KIF13A: variants seen among roughly 807,000 people sequenced by gnomAD.
The protein encoded by KIF13A is kinesin-like protein KIF13A.
In KIF13A, 79 loss-of-function variants were observed where a neutral mutation model predicts 212.2. The ratio of observed to expected loss-of-function variants is 0.37; its 90% CI spans 0.31 to 0.45. The LOEUF (loss-of-function observed/expected upper bound fraction) is 0.45, where lower values mean the gene tolerates loss of function less well. Among genes scored for constraint, KIF13A ranks in the 20% least tolerant of loss-of-function variants. KIF13A has a pLI of 1.00. For missense variants in KIF13A, 1,901 were observed against 2,209.0 expected, an observed-to-expected ratio of 0.86 and a Z score of 2.79; for synonymous variants, 789 against 808.6, an observed-to-expected ratio of 0.98 and a Z score of 0.41.
intron 2 of KIF13A, among the ~76,000 whole-genome samples, chr6:17,973,885 A>G (rs139603635): frequency 1.1e-3 from 171 of 152,280 alleles, no homozygotes; most frequent in African/African-American, 4.0e-3. Context: ...GGAGCCCACA[A>G]CTCTCAAACC....
rs1053270624 is a variant in KIF13A at position 17,984,803 on chromosome 6, AAAT to A, written c.146+2248_146+2250del. On this transcript the variant is annotated intron_variant, in intron 2 of 38. Transcript: ENST00000259711. The surrounding 1 kb of genome is among the most constrained non-coding windows in gnomAD (Gnocchi z 5.0). Reference sequence around the variant, plus strand: ...CAAACCTTGGACTTGCAGATATGAAAAATAATAACATTCTCAGTATTCTACTCT... The same window carrying A: ...CAAACCTTGGACTTGCAGATATGAAAAATAACATTCTCAGTATTCTACTCT... 3.3e-5 allele frequency among the ~76,000 whole-genome samples: 5 copies of A among 152,208 alleles called. No homozygotes were observed. The highest frequency in any genetic ancestry group is 2.9e-5 in the Non-Finnish European group (2 of 68,038).
rs902524477 is a variant in KIF13A at position 17,825,787 on chromosome 6, C to T, written c.1767G>A (p.Met589Ile). The T allele has an allele frequency of 6.2e-7, 1 of 1,613,760 alleles. No individual in the cohort carries two copies. Residue 589 changes from methionine to isoleucine, a missense_variant, in exon 16 of 39, where the codon ATG becomes ATA. By Grantham distance (10) the Met-to-Ile change is conservative (BLOSUM62 1). Coordinates refer to ENST00000259711, the MANE Select transcript of KIF13A (RefSeq NM_022113.6). The surrounding 1 kb of genome is among the most constrained non-coding windows in gnomAD (Gnocchi z 4.5). ...NYEFAQMEVIMKTLNSNDPVQ... is the reference protein window; with the variant it reads ...NYEFAQMEVIIKTLNSNDPVQ... ...TCTTACCATTACTATTCAGGGTTTT[C>T]ATGATAACTTCCATCTGTGCAAATT...
chr6:17,883,570 C>T lies in KIF13A; in HGVS notation c.160-10133G>A, dbSNP rs751511562. Among the ~76,000 whole-genome samples, 30 of 152,218 alleles carry T rather than the reference C, an allele frequency of 2.0e-4. No homozygotes were observed. The highest frequency in any genetic ancestry group is 3.4e-4 in the Non-Finnish European group (23 of 68,034). ...AACTGCCACAGTAACAGACTGGTGT[C>T]ACCCTACAGGCATTATTTTTGTGTT... is the stretch of plus-strand genomic sequence containing the variant. On this transcript the variant is annotated intron_variant, in intron 3 of 38. Coordinates refer to ENST00000259711, the MANE Select transcript of KIF13A (RefSeq NM_022113.6). The surrounding 1 kb of genome is among the most constrained non-coding windows in gnomAD (Gnocchi z 4.8).
chr6:17,774,733 A>C (rs1453508627), intron 35 of KIF13A, among the ~76,000 whole-genome samples: 1 of 151,672 alleles, frequency 6.6e-6, no homozygotes, highest in Non-Finnish European at 1.5e-5. Flanking sequence ...AAATCATGCC[A>C]CTGCACTCCA....
chr6:17,980,660 A>G (rs1780984881), intron 2 of KIF13A, among the ~76,000 whole-genome samples: 1 of 152,218 alleles, frequency 6.6e-6, no homozygotes, highest in Admixed American at 6.6e-5. Context: ...CAGAAAAAAA[A>G]GCAAAATAAA....
intron 2 of KIF13A, among the ~76,000 whole-genome samples, chr6:17,958,775 C>T: frequency 6.6e-6 from 1 of 151,874 alleles, no homozygotes. Context: ...TGTATTCATC[C>T]GAATGCAAAA....
intron 2 of KIF13A, among the ~76,000 whole-genome samples, chr6:17,975,316 A>C (rs1005000548): frequency 6.6e-6 from 1 of 151,468 alleles, no homozygotes; most frequent in African/African-American, 2.4e-5. Flanking sequence ...CTGTGTTCCG[A>C]ATTAGTAGGT....
intron 3 of KIF13A, among the ~76,000 whole-genome samples, chr6:17,880,986 G>A (rs9367972): frequency 0.57 from 86,856 of 151,980 alleles, 24,932 homozygotes; most frequent in Middle Eastern, 0.63. Flanking sequence ...ATCAATAAGA[G>A]CCAACATTGT....
intron 3 of KIF13A, among the ~76,000 whole-genome samples, chr6:17,889,726 A>G (rs1771869832): frequency 6.6e-6 from 1 of 152,212 alleles, no homozygotes; most frequent in Non-Finnish European, 1.5e-5. Flanking sequence ...AGATGCTGAG[A>G]TCATCCTGGA....
intron 16 of KIF13A, among the ~76,000 whole-genome samples, chr6:17,822,715 T>A (rs1372994345): frequency 6.6e-6 from 1 of 152,164 alleles, no homozygotes; most frequent in Non-Finnish European, 1.5e-5. Context: ...GGAGTCTACA[T>A]CCTCCTGAAC....
rs1345676497 is a variant in KIF13A, at chr6:17,843,045, T to A, written c.831-5462A>T. On this transcript the variant is annotated intron_variant, in intron 9 of 38. Transcript: ENST00000259711. The surrounding 1 kb of genome is among the most constrained non-coding windows in gnomAD (Gnocchi z 5.3). ...TCTAAGATCATATATATAATACTTA[T>A]TAAACTTTATTGGAGTTATTTGTGT... Among the ~76,000 whole-genome samples the A allele has an allele frequency of 6.6e-6, 1 of 152,220 alleles. No individual in the cohort carries two copies. The highest frequency in any genetic ancestry group is 2.4e-5 in the African/African-American group (1 of 41,466).
At chr6:17,779,257 A>AT (rs3076205) in intron 32 of KIF13A, among the ~76,000 whole-genome samples, 158 bp from the exon 33 acceptor site, 25 of 37,850 alleles carry the variant, frequency 6.6e-4, no homozygotes, top group African/African-American at 9.3e-4. Flanking sequence ...ATATATATAT[A>AT]TTTTTTTTTT....
intron 20 of KIF13A, 149 bp downstream of exon 20, chr6:17,804,212 T>C: frequency 1.7e-6 from 1 of 593,378 alleles, no homozygotes; most frequent in Non-Finnish European, 2.7e-6. Flanking sequence ...ATATCGATTA[T>C]TAGTAGAGAA....
intron 4 of KIF13A, among the ~76,000 whole-genome samples, chr6:17,864,409 C>G: frequency 6.6e-6 from 1 of 152,174 alleles, no homozygotes; most frequent in East Asian, 1.9e-4. Flanking sequence ...GTCAGAACAA[C>G]AGAGAGAGCT....
intron 2 of KIF13A, among the ~76,000 whole-genome samples, chr6:17,958,124 C>T (rs1315806292): frequency 6.6e-6 from 1 of 152,204 alleles, no homozygotes; most frequent in Non-Finnish European, 1.5e-5. Flanking sequence ...CCCGCCTTTA[C>T]AAGCTGCTAA....
At position 17,951,325 on chromosome 6, in the gene KIF13A, T is replaced by C; in HGVS notation, c.146+35729A>G. On this transcript the variant is annotated intron_variant, in intron 2 of 38. Coordinates refer to ENST00000259711, the MANE Select transcript of KIF13A (RefSeq NM_022113.6). The surrounding 1 kb of genome is among the most constrained non-coding windows in gnomAD (Gnocchi z 4.9). Reference sequence around the variant, plus strand: ...AACAAATTTTTTGTAGAGATGGGGTTTTGCCATGTTGCAAAGGCTGGTCTT... The same window carrying C: ...AACAAATTTTTTGTAGAGATGGGGTCTTGCCATGTTGCAAAGGCTGGTCTT... 1.6e-6 allele frequency: 1 copy of C among 625,060 alleles called. No homozygotes were observed. The highest frequency in any genetic ancestry group is 2.9e-6 in the Non-Finnish European group (1 of 348,322). 38.7% of individuals were successfully genotyped at this position (625,060 alleles called of 1,614,324 possible).
rs201822117 is a variant in KIF13A at position 17,908,688 on chromosome 6, CCT to C, written c.147-10510_147-10509del. ...ATATGCCTTCTTAAAAAAAAAAAAC[CCT>C]GTTTCTTTTTAAAAAATTACCAGTT... On this transcript the variant is annotated intron_variant, in intron 2 of 38. Coordinates refer to ENST00000259711, the MANE Select transcript of KIF13A (RefSeq NM_022113.6). 6.8e-3 allele frequency among the ~76,000 whole-genome samples: 1,038 copies of C among 151,866 alleles called. 7 individuals carry two copies. The highest frequency in any genetic ancestry group is 0.024 in the African/African-American group (983 of 41,420).
rs190656461 is a variant in KIF13A at position 17,770,658 on chromosome 6, C to T, written c.4581+456G>A. On this transcript the variant is annotated intron_variant, in intron 38 of 38. Transcript: ENST00000259711. ...ATAGATTGTAGTGCAGCTCTAACTA[C>T]AGAATTATCTTGGCAATAGCATCAG... is the stretch of plus-strand genomic sequence containing the variant. The T allele has an allele frequency of 2.6e-3, 541 of 204,764 alleles. 3 individuals are homozygous for T. The highest frequency in any genetic ancestry group is 0.012 in the African/African-American group (522 of 42,392). 12.7% of individuals were successfully genotyped at this position (204,764 alleles called of 1,614,324 possible).
chr6:17,805,483 CT>C lies in KIF13A; in HGVS notation c.2295del (p.Val766PhefsTer39). ...MRDLYQEWKEKVPEAKRLYGK... is the reference protein window; with the variant it reads ...MRDLYQEWKEXVPEAKRLYGK... ...CATTTTGTCTCTTTTACCTCAGGAA[CT>C]TTTTCCTTCCATTCTTGGTAAAGGT... On this transcript the variant is annotated frameshift_variant, in exon 19 of 39. Transcript: ENST00000259711. LOFTEE classifies it high-confidence loss of function. The C allele has an allele frequency of 6.2e-7, 1 of 1,613,110 alleles. No individual in the cohort carries two copies. Among genetic ancestry groups the C allele is most frequent in the Non-Finnish European group, 8.5e-7 (1 of 1,179,592 alleles).
Sources: gnomAD v4.1 joint callset for allele counts (sites outside exome capture counted in the v4.1 genomes callset) on GRCh38, gnomAD v4.1.1 for gene constraint, Gnocchi (gnomAD v3.1) non-coding constraint, MANE v1.5 for transcripts, NCBI Gene and HGNC (gene_info 2026-07-23, HGNC 2026-07-21) for gene names.